The following RANBP2 variants were observed in gnomAD, a reference collection of about 807,000 sequenced individuals.
RANBP2 encodes RAN binding protein 2, also known as E3 SUMO-protein ligase RanBP2.
RANBP2 carries 57 observed loss-of-function variants against 303.6 expected under a neutral mutation model. That is an observed-to-expected ratio of 0.19 (90% CI 0.15 to 0.23). The LOEUF is 0.23. Among genes scored for constraint, RANBP2 ranks in the 10% least tolerant of loss-of-function variants. RANBP2 has a pLI of 1.00. For missense variants in RANBP2, 3,138 were observed against 3,780.8 expected (o/e 0.83, Z 4.46); for synonymous variants, 1,167 against 1,301.5 (o/e 0.90, Z 2.23).
At chr2:109,131,146 C>G in the RANBP2 span, among the ~76,000 whole-genome samples, 1 of 152,166 alleles carries the variant, frequency 6.6e-6, no homozygotes, top group East Asian at 1.9e-4. Context: ...TGGGAACATT[C>G]TAGCACCTGG....
chr2:108,837,225 TTGAG>T, the RANBP2 span, among the ~76,000 whole-genome samples: 1 of 152,294 alleles, frequency 6.6e-6, no homozygotes, highest in African/African-American at 2.4e-5. Context: ...ATTAAGTTTG[TTGAG>T]TATTTTTATC....
At chr2:109,210,934 C>G in the RANBP2 span, among the ~76,000 whole-genome samples, 1 of 152,226 alleles carries the variant, frequency 6.6e-6, no homozygotes, top group Non-Finnish European at 1.5e-5. Context: ...GCTGTCCTTT[C>G]CTGTCAGAGC....
At chr2:109,300,560 T>A in the RANBP2 span, among the ~76,000 whole-genome samples, 11 of 152,154 alleles carry the variant, frequency 7.2e-5, no homozygotes, top group East Asian at 1.9e-3. Context: ...CAGGCATCCT[T>A]TTCCATAGGG....
the RANBP2 span, among the ~76,000 whole-genome samples, chr2:108,990,156 G>GCAC: frequency 1.3e-5 from 2 of 152,146 alleles, no homozygotes; most frequent in African/African-American, 4.8e-5. Flanking sequence ...ATTAGGCCGG[G>GCAC]CGCGGTGGCT....
chr2:108,772,421 G>A, intron 21 of RANBP2, 68 bp from the exon 22 acceptor site: 1 of 1,219,210 alleles, frequency 8.2e-7, no homozygotes, highest in Non-Finnish European at 1.2e-6. Context: ...TGAAGTTGGA[G>A]GTAGTCCCTA....
chr2:109,453,868 T>C, the RANBP2 span, among the ~76,000 whole-genome samples: 1 of 152,126 alleles, frequency 6.6e-6, no homozygotes, highest in Non-Finnish European at 1.5e-5. Flanking sequence ...GGGAGGATCC[T>C]TGGCTGAGGG....
At chr2:109,365,368 C>T in the RANBP2 span, among the ~76,000 whole-genome samples, 2 of 152,310 alleles carry the variant, frequency 1.3e-5, no homozygotes, top group Admixed American at 6.5e-5. Context: ...CCCTCCTAGC[C>T]GAGCACTGCT....
At chr2:109,386,127 TGAAA>T in the RANBP2 span, among the ~76,000 whole-genome samples, 1 of 152,176 alleles carries the variant, frequency 6.6e-6, no homozygotes, top group South Asian at 2.1e-4. Context: ...GCATAGACCT[TGAAA>T]GAGAGGGTCA....
the RANBP2 span, among the ~76,000 whole-genome samples, chr2:109,477,442 G>A: frequency 2.3e-4 from 35 of 152,324 alleles, no homozygotes; most frequent in South Asian, 6.2e-4. Context: ...TCAAAGTCCC[G>A]AAACGGGCAT....
At chr2:109,477,438 T>C in the RANBP2 span, among the ~76,000 whole-genome samples, 1 of 152,130 alleles carries the variant, frequency 6.6e-6, no homozygotes, top group African/African-American at 2.4e-5. Context: ...AACCTCAAAG[T>C]CCCGAAACGG....
At chr2:109,496,446 C>G in the RANBP2 span, among the ~76,000 whole-genome samples, 1 of 152,336 alleles carries the variant, frequency 6.6e-6, no homozygotes, top group Admixed American at 6.5e-5. Context: ...AGTCCCCACT[C>G]GACCCAGGAA....
chr2:109,709,307 AAAAATAAAATAAAAT>A, the RANBP2 span, among the ~76,000 whole-genome samples: 351 of 127,662 alleles, frequency 2.7e-3, 1 homozygote, highest in African/African-American at 6.7e-3. Context: ...ACTGTGTCTC[AAAAATAAAATAAAAT>A]AAAATAAAAT....
the RANBP2 span, among the ~76,000 whole-genome samples, chr2:109,511,077 C>T: frequency 2.0e-4 from 31 of 152,314 alleles, no homozygotes; most frequent in African/African-American, 7.0e-4. Flanking sequence ...GAAACTGAGG[C>T]AGAGAGCAGT....
At chr2:108,824,770 T>G in the RANBP2 span, among the ~76,000 whole-genome samples, 2 of 152,174 alleles carry the variant, frequency 1.3e-5, no homozygotes, top group African/African-American at 4.8e-5. Context: ...AGTAGTTTTT[T>G]TTTTACACCA....
chr2:109,378,526 T>C, the RANBP2 span, among the ~76,000 whole-genome samples: 2 of 152,230 alleles, frequency 1.3e-5, no homozygotes, highest in Admixed American at 1.3e-4. Context: ...GCATGCCTGG[T>C]AATTTTCAGC....
the RANBP2 span, among the ~76,000 whole-genome samples, chr2:109,365,298 A>C: frequency 3.3e-5 from 5 of 152,194 alleles, no homozygotes; most frequent in African/African-American, 1.2e-4. Flanking sequence ...GGGCCCCTGC[A>C]GTTCTTACCT....
chr2:109,365,825 C>T, the RANBP2 span, among the ~76,000 whole-genome samples: 2 of 152,190 alleles, frequency 1.3e-5, no homozygotes, highest in Non-Finnish European at 2.9e-5. Flanking sequence ...CCTGCCATCG[C>T]AGGTATCCAT....
the RANBP2 span, among the ~76,000 whole-genome samples, chr2:108,860,372 T>G: frequency 6.6e-6 from 1 of 152,138 alleles, no homozygotes; most frequent in Non-Finnish European, 1.5e-5. Flanking sequence ...TAGTACTTTG[T>G]TGAAGGAGTG....
chr2:109,190,847 G>T, the RANBP2 span, among the ~76,000 whole-genome samples: 1,995 of 151,900 alleles, frequency 0.013, 41 homozygotes, highest in African/African-American at 0.046. Context: ...AAAACATCTG[G>T]TTAAGCACTT....
Sources: gnomAD v4.1 joint callset for allele counts (sites outside exome capture counted in the v4.1 genomes callset) on GRCh38, gnomAD v4.1.1 for gene constraint, MANE v1.5 for transcripts, NCBI Gene and HGNC (gene_info 2026-07-23, HGNC 2026-07-21) for gene names.